The following GRM7 variants were observed in gnomAD, a reference collection of about 807,000 sequenced individuals.
GRM7 encodes glutamate metabotropic receptor 7, also known as metabotropic glutamate receptor 7.
In GRM7, 35 loss-of-function variants were observed where a neutral mutation model predicts 84.5. That is an observed-to-expected ratio of 0.41 (90% confidence interval 0.32 to 0.55). The LOEUF is 0.55. GRM7 is among the 20% of genes least tolerant of loss of function. GRM7 has a pLI of 0.19. For missense variants in GRM7, 1,003 were observed against 1,194.6 expected (o/e 0.84, Z 2.36); for synonymous variants, 487 against 455.1 (o/e 1.07, Z -0.89).
intron 1 of GRM7, among the ~76,000 whole-genome samples, chr3:7,038,999 T>C (rs1304818708): frequency 6.6e-6 from 1 of 152,162 alleles, no homozygotes. Context: ...ACCTACTGAA[T>C]TTGAAACTCG....
At chr3:7,138,755 T>C (rs1017974489) in intron 1 of GRM7, among the ~76,000 whole-genome samples, 3 of 151,596 alleles carry the variant, frequency 2.0e-5, no homozygotes, top group African/African-American at 7.3e-5. Flanking sequence ...TAAATATATG[T>C]TACCATATAT....
At chr3:7,523,405 G>A (rs965595) in intron 7 of GRM7, among the ~76,000 whole-genome samples, 60,910 of 152,040 alleles carry the variant, frequency 0.4, 12,531 homozygotes, top group African/African-American at 0.49. Flanking sequence ...GAATGTGGAA[G>A]TAAGTTTTGC....
intron 7 of GRM7, among the ~76,000 whole-genome samples, chr3:7,511,904 G>A (rs1327421057): frequency 2.0e-5 from 3 of 152,302 alleles, no homozygotes; most frequent in African/African-American, 4.8e-5. Context: ...CACTTTGGGA[G>A]GCTGAGGTGG....
At chr3:7,432,676 A>G (rs368186493) in intron 5 of GRM7, among the ~76,000 whole-genome samples, 19 of 152,286 alleles carry the variant, frequency 1.2e-4, no homozygotes, top group African/African-American at 3.9e-4. Context: ...GAATAAAACC[A>G]TGCATGAAAT....
chr3:7,563,161 G>T (rs1694101713), intron 7 of GRM7, among the ~76,000 whole-genome samples: 1 of 152,112 alleles, frequency 6.6e-6, no homozygotes, highest in African/African-American at 2.4e-5. Context: ...ATGAATGGCT[G>T]AGCTGGTTAG....
At chr3:7,703,088 G>A (rs537558447) in intron 9 of GRM7, among the ~76,000 whole-genome samples, 1 of 152,238 alleles carries the variant, frequency 6.6e-6, no homozygotes, top group East Asian at 1.9e-4. Context: ...TTTAGGGTAA[G>A]TTTCCATATA....
intron 7 of GRM7, among the ~76,000 whole-genome samples, chr3:7,501,518 C>T (rs1370980426): frequency 1.3e-5 from 2 of 152,158 alleles, no homozygotes; most frequent in African/African-American, 4.8e-5. Context: ...GTTTTATCAG[C>T]TTATATTATA....
intron 5 of GRM7, among the ~76,000 whole-genome samples, chr3:7,443,091 T>G (rs547234482): frequency 6.6e-6 from 1 of 152,220 alleles, no homozygotes; most frequent in African/African-American, 2.4e-5. Flanking sequence ...CTTCTCCCTC[T>G]TCTGTTTTTA....
rs1697815886 is a variant in GRM7, at chr3:7,247,589, C to CT, written c.737-51094dup. Among the ~76,000 whole-genome samples, 3 of 135,118 alleles carry CT rather than the reference C, an allele frequency of 2.2e-5. No individual in the cohort carries two copies. The South Asian group carries it at 7.0e-4, about 32-fold the overall frequency. 88.6% of individuals were successfully genotyped at this position (135,118 alleles called of 152,430 possible). A position where few individuals can be genotyped will look rare whatever the true frequency, so the allele number is the denominator to read the frequency against. On this transcript the variant is annotated intron_variant, in intron 2 of 9. Coordinates refer to ENST00000357716, the MANE Select transcript of GRM7 (RefSeq NM_000844.4). The stretch of plus-strand genomic sequence containing the variant: ...AGCCTGGGTAATAGAATGAGACACT[C>CT]TCTCTTTTTTTTTAAAAAAAAAAAA...
intron 1 of GRM7, among the ~76,000 whole-genome samples, chr3:7,084,178 G>C (rs116195932): frequency 6.6e-6 from 1 of 152,082 alleles, no homozygotes; most frequent in African/African-American, 2.4e-5. Context: ...GGGAGCGAGG[G>C]CTGAAAAGGA....
chr3:7,496,442 T>A (rs1164768122), intron 7 of GRM7, among the ~76,000 whole-genome samples: 1 of 152,124 alleles, frequency 6.6e-6, no homozygotes, highest in South Asian at 2.1e-4. Context: ...ATATATTTTT[T>A]AAAAAATGAT....
rs375013484 is a variant in GRM7 at position 7,136,169 on chromosome 3, A to G, written c.520-10283A>G. On this transcript the variant is annotated intron_variant, in intron 1 of 9. Transcript: ENST00000357716. ...TATAATTATTTTCTCTGGATTTAAT[A>G]TATTATTTTTATTCATTTTTTTTTT... Among the ~76,000 whole-genome samples, 22 of 151,764 alleles carry G rather than the reference A, an allele frequency of 1.4e-4. No individual in the cohort carries two copies. In the East Asian group the frequency reaches 2.1e-3, roughly 15 times the overall value.
intron 9 of GRM7, among the ~76,000 whole-genome samples, chr3:7,723,492 C>T (rs1467642875): frequency 1.3e-5 from 2 of 152,116 alleles, no homozygotes; most frequent in Admixed American, 6.5e-5. Flanking sequence ...CACTAGACAT[C>T]ACCACAGCAA....
At chr3:6,963,988 C>T (rs1380083365) in intron 1 of GRM7, among the ~76,000 whole-genome samples, 1 of 152,206 alleles carries the variant, frequency 6.6e-6, no homozygotes, top group Non-Finnish European at 1.5e-5. Flanking sequence ...AATTTCCATA[C>T]AAGACCATCT....
At chr3:6,950,248 T>C (rs955679627) in intron 1 of GRM7, among the ~76,000 whole-genome samples, 2 of 152,246 alleles carry the variant, frequency 1.3e-5, no homozygotes, top group Admixed American at 6.5e-5. Context: ...TAGATGTCCT[T>C]TCTGTTTGTT....
At chr3:7,431,028 C>T (rs1696807262) in intron 5 of GRM7, among the ~76,000 whole-genome samples, 1 of 151,942 alleles carries the variant, frequency 6.6e-6, no homozygotes, top group African/African-American at 2.4e-5. Context: ...GGGGAGGGGC[C>T]CAGTGCGAAC....
chr3:7,285,600 T>G (rs1699403787), intron 2 of GRM7, among the ~76,000 whole-genome samples: 1 of 152,084 alleles, frequency 6.6e-6, no homozygotes, highest in Non-Finnish European at 1.5e-5. Flanking sequence ...CATGTTACAG[T>G]GTATGTAGAC....
At chr3:6,872,628 G>A (rs929008045) in intron 1 of GRM7, among the ~76,000 whole-genome samples, 1 of 148,756 alleles carries the variant, frequency 6.7e-6, no homozygotes, top group South Asian at 2.2e-4. Flanking sequence ...CCCAACCCCC[G>A]ACAGGCCCCG....
chr3:7,202,196 G>C (rs1696090923), intron 2 of GRM7, among the ~76,000 whole-genome samples: 2 of 152,130 alleles, frequency 1.3e-5, no homozygotes, highest in South Asian at 4.1e-4. Flanking sequence ...TAGAAGATAA[G>C]TGTTTTCCCT....
Sources: allele counts gnomAD v4.1 joint callset (sites outside exome capture counted in the v4.1 genomes callset), GRCh38; gene constraint gnomAD v4.1.1; transcripts MANE v1.5; gene names NCBI Gene and HGNC (gene_info 2026-07-23, HGNC 2026-07-21).